The following GRM7 variants were observed in gnomAD, a reference collection of about 807,000 sequenced individuals.
GRM7 encodes the protein glutamate metabotropic receptor 7.
Under a neutral mutation model 84.5 loss-of-function variants are expected in GRM7, and 35 were observed. The observed-to-expected ratio is 0.41, with a 90% CI of 0.32 to 0.55. GRM7 has a LOEUF of 0.55. GRM7 is among the 20% of genes least tolerant of loss of function. The probability of loss-of-function intolerance (pLI) is 0.19; values close to 1 mark genes in which losing one functional copy is unlikely to be tolerated. For synonymous variants in GRM7, 487 were observed against 455.1 expected (o/e 1.07, Z -0.89); for missense variants, 1,003 against 1,194.6 (o/e 0.84, Z 2.36).
chr3:7,233,113 T>C (rs1223887385), intron 2 of GRM7, among the ~76,000 whole-genome samples: 1 of 152,180 alleles, frequency 6.6e-6, no homozygotes, highest in Admixed American at 6.5e-5. Flanking sequence ...ATATTTTTCT[T>C]AACTTCAAAA....
intron 4 of GRM7, among the ~76,000 whole-genome samples, chr3:7,355,825 G>T (rs965469849): frequency 6.6e-6 from 1 of 152,078 alleles, no homozygotes; most frequent in African/African-American, 2.4e-5. Context: ...TCTTATTCCT[G>T]CTATGTTGTC....
In GRM7 at chr3:6,862,833, G is replaced by C. The variant is rs966387133; in HGVS notation, c.519+926G>C. ...ATGAAGGCGCCCGTTGGGAGGCAGA[G>C]GGGTGCGTGAAGCGGGGCCCCGTGG... On this transcript the variant is annotated intron_variant, in intron 1 of 9. Transcript: ENST00000357716. This position sits in a 1 kb window ranked among gnomAD's most constrained non-coding sequence, Gnocchi z 5.2. The C allele has an allele frequency of 1.2e-5, 4 of 323,370 alleles. No homozygotes were observed. Among genetic ancestry groups the C allele is most frequent in the South Asian group, 9.0e-5 (4 of 44,658 alleles). 20.0% of individuals were successfully genotyped at this position (323,370 alleles called of 1,614,324 possible).
At chr3:6,946,408 C>T (rs1698083502) in intron 1 of GRM7, among the ~76,000 whole-genome samples, 1 of 152,208 alleles carries the variant, frequency 6.6e-6, no homozygotes. Context: ...TGTTATGTTC[C>T]ATTGGTCTAT....
chr3:7,195,902 T>C (rs760060147), intron 2 of GRM7, among the ~76,000 whole-genome samples: 4 of 152,174 alleles, frequency 2.6e-5, no homozygotes, highest in Admixed American at 6.6e-5. Context: ...AGGTCTGTTG[T>C]GTTAGTCAGG....
chr3:7,440,119 C>G (rs1019440521), intron 5 of GRM7, among the ~76,000 whole-genome samples: 1 of 152,120 alleles, frequency 6.6e-6, no homozygotes, highest in Admixed American at 6.6e-5. Flanking sequence ...GATACAGGAT[C>G]AGAGAGGCTT....
At chr3:7,467,196 T>C (rs1200459007) in intron 7 of GRM7, among the ~76,000 whole-genome samples, 8 of 152,142 alleles carry the variant, frequency 5.3e-5, no homozygotes, top group Non-Finnish European at 5.9e-5. Flanking sequence ...CAAACGACTC[T>C]CATGCCTCAG....
chr3:7,738,739 C>G (rs161888), intron 9 of GRM7, among the ~76,000 whole-genome samples: 3 of 124,054 alleles, frequency 2.4e-5, no homozygotes, highest in African/African-American at 1.0e-4. Flanking sequence ...TTTTTTTTTT[C>G]CCCTTCTTTT....
intron 8 of GRM7, among the ~76,000 whole-genome samples, chr3:7,626,689 C>A (rs989343627): frequency 6.6e-6 from 1 of 152,140 alleles, no homozygotes; most frequent in Non-Finnish European, 1.5e-5. Context: ...TGTAAGGATA[C>A]TAGCCATAGT....
intron 2 of GRM7, among the ~76,000 whole-genome samples, chr3:7,190,748 C>G (rs1405359784): frequency 6.6e-6 from 1 of 151,970 alleles, no homozygotes; most frequent in Non-Finnish European, 1.5e-5. Context: ...GCAGAGAGCA[C>G]CCAGTGTGTT....
chr3:7,102,907 T>G (rs956430167), intron 1 of GRM7, among the ~76,000 whole-genome samples: 1 of 151,790 alleles, frequency 6.6e-6, no homozygotes, highest in African/African-American at 2.4e-5. Context: ...CATTCTTTTT[T>G]TCTTTTATAT....
chr3:7,467,680 T>C (rs773004456), intron 7 of GRM7, among the ~76,000 whole-genome samples: 3 of 152,178 alleles, frequency 2.0e-5, no homozygotes, highest in Non-Finnish European at 4.4e-5. Context: ...ATATTGTTTG[T>C]GCCCTAGGAA....
chr3:7,391,919 GCC>G (rs1695014947), intron 4 of GRM7, among the ~76,000 whole-genome samples: 1 of 152,056 alleles, frequency 6.6e-6, no homozygotes, highest in Non-Finnish European at 1.5e-5. Flanking sequence ...GGCTCCCCAG[GCC>G]CTGATGGGAA....
intron 1 of GRM7, among the ~76,000 whole-genome samples, chr3:7,046,649 C>T (rs561378121): frequency 2.0e-5 from 3 of 152,180 alleles, no homozygotes; most frequent in South Asian, 4.1e-4. Context: ...ACTAGCTGTC[C>T]TCTCTGAGAG....
At chr3:7,425,005 A>T (rs368183740) in intron 5 of GRM7, among the ~76,000 whole-genome samples, 4 of 152,082 alleles carry the variant, frequency 2.6e-5, no homozygotes, top group African/African-American at 9.7e-5. Flanking sequence ...CATAGAGCTT[A>T]TTTCTCCCTA....
chr3:7,645,292 T>C (rs919197334), intron 8 of GRM7, among the ~76,000 whole-genome samples: 2 of 152,062 alleles, frequency 1.3e-5, no homozygotes, highest in African/African-American at 4.8e-5. Context: ...CTCACGCCTG[T>C]AATCCCAGCA....
intron 2 of GRM7, among the ~76,000 whole-genome samples, chr3:7,292,386 A>AT (rs942611497): frequency 6.6e-6 from 1 of 152,210 alleles, no homozygotes; most frequent in Non-Finnish European, 1.5e-5. Flanking sequence ...GTGAGGACAG[A>AT]TAACTATCTT....
At chr3:7,132,910 A>C (rs1359066055) in intron 1 of GRM7, among the ~76,000 whole-genome samples, 1 of 152,240 alleles carries the variant, frequency 6.6e-6, no homozygotes, top group African/African-American at 2.4e-5. Flanking sequence ...TTGACTATTC[A>C]ATAAACCATA....
intron 2 of GRM7, among the ~76,000 whole-genome samples, chr3:7,211,872 A>G (rs1361200398): frequency 6.6e-6 from 1 of 152,020 alleles, no homozygotes; most frequent in Non-Finnish European, 1.5e-5. Context: ...CACCTTCATT[A>G]AAACTTTTTC....
chr3:6,881,586 C>A (rs1695509306), intron 1 of GRM7, among the ~76,000 whole-genome samples: 1 of 127,180 alleles, frequency 7.9e-6, no homozygotes, highest in African/African-American at 2.6e-5. Context: ...GGAACTCAAA[C>A]AAATTTTAAA....
Sources: gnomAD v4.1 joint callset for allele counts (sites outside exome capture counted in the v4.1 genomes callset) on GRCh38, gnomAD v4.1.1 for gene constraint, Gnocchi (gnomAD v3.1) non-coding constraint, MANE v1.5 for transcripts, NCBI Gene and HGNC (gene_info 2026-07-23, HGNC 2026-07-21) for gene names.